Variants in DOK5 observed in about 807,000 individuals in gnomAD.
DOK5 encodes downstream of tyrosine kinase 5.
A neutral mutation model predicts 43.3 loss-of-function variants in DOK5; 27 were observed. The observed-to-expected ratio is 0.62, with a 90% CI of 0.46 to 0.86. The LOEUF (loss-of-function observed/expected upper bound fraction) is 0.86. Ranked by LOEUF, DOK5 falls within the 40% of genes least tolerant of loss-of-function variation. The probability of loss-of-function intolerance (pLI) is 0.00; values close to 1 mark genes in which losing one functional copy is unlikely to be tolerated. For missense variants in DOK5, 373 were observed against 392.9 expected, an observed-to-expected ratio of 0.95 and a Z score of 0.43; for synonymous variants, 146 against 140.1, an observed-to-expected ratio of 1.04 and a Z score of -0.30.
chr20:54,572,514 G>A (rs749940657), intron 2 of DOK5, among the ~76,000 whole-genome samples: 3 of 151,616 alleles, frequency 2.0e-5, no homozygotes, highest in Non-Finnish European at 4.4e-5. Context: ...CAGTTAGATT[G>A]GAAAAAAAAT....
intron 1 of DOK5, among the ~76,000 whole-genome samples, chr20:54,544,851 C>T (rs1984285114): frequency 6.6e-6 from 1 of 152,070 alleles, no homozygotes; most frequent in African/African-American, 2.4e-5. Context: ...ACTCAAAAGG[C>T]CAATCTTAGG....
chr20:54,524,731 G>C (rs938315455), intron 1 of DOK5, among the ~76,000 whole-genome samples: 14 of 152,194 alleles, frequency 9.2e-5, no homozygotes, highest in South Asian at 6.2e-4. Flanking sequence ...AGCATTTCTT[G>C]AAGTTTTAAT....
intron 1 of DOK5, among the ~76,000 whole-genome samples, chr20:54,524,026 C>T (rs1983500383): frequency 6.6e-6 from 1 of 152,244 alleles, no homozygotes; most frequent in African/African-American, 2.4e-5. Flanking sequence ...TGGGACTAAA[C>T]GTTTGTTAAA....
intron 6 of DOK5, among the ~76,000 whole-genome samples, chr20:54,616,148 G>T (rs1385548343): frequency 1.3e-5 from 2 of 152,174 alleles, no homozygotes; most frequent in Non-Finnish European, 2.9e-5. Flanking sequence ...CAGACAATGT[G>T]TTAAGGACAT....
chr20:54,522,258 A>G (rs548861604), intron 1 of DOK5, among the ~76,000 whole-genome samples: 4 of 152,188 alleles, frequency 2.6e-5, no homozygotes. Context: ...AAGAAAGTTT[A>G]CGAATTTGTG....
intron 1 of DOK5, among the ~76,000 whole-genome samples, chr20:54,519,793 A>T (rs1983329607): frequency 1.3e-5 from 2 of 151,890 alleles, no homozygotes; most frequent in African/African-American, 2.4e-5. Context: ...ATGCTATGAG[A>T]TACCCAATTT....
intron 5 of DOK5, among the ~76,000 whole-genome samples, chr20:54,606,899 A>G (rs1986487662): frequency 6.6e-6 from 1 of 152,188 alleles, no homozygotes; most frequent in Non-Finnish European, 1.5e-5. Context: ...TTTCTGTTCT[A>G]TTTAGAGCTC....
At chr20:54,524,610 A>T (rs531802513) in intron 1 of DOK5, among the ~76,000 whole-genome samples, 1 of 152,326 alleles carries the variant, frequency 6.6e-6, no homozygotes, top group South Asian at 2.1e-4. Context: ...AATAGGAAAA[A>T]CTGAGACCAA....
intron 7 of DOK5, 127 bp from the exon 8 acceptor site, chr20:54,650,288 G>A (rs1979637969): frequency 6.6e-6 from 5 of 752,854 alleles, no homozygotes; most frequent in Non-Finnish European, 4.4e-6. Flanking sequence ...ATCCTGAGAG[G>A]CCTTTGGAAA....
intron 6 of DOK5, among the ~76,000 whole-genome samples, chr20:54,631,723 C>T (rs1275685124): frequency 6.6e-6 from 1 of 152,066 alleles, no homozygotes; most frequent in Non-Finnish European, 1.5e-5. Context: ...CCTGTAATCC[C>T]AGCACTTTGG....
At chr20:54,586,132 C>T (rs981143590) in intron 2 of DOK5, among the ~76,000 whole-genome samples, 1 of 152,010 alleles carries the variant, frequency 6.6e-6, no homozygotes, top group Non-Finnish European at 1.5e-5. Flanking sequence ...AAACTAGGCA[C>T]GTTATGTGGC....
At chr20:54,519,340 C>G (rs1191656457) in intron 1 of DOK5, among the ~76,000 whole-genome samples, 2 of 152,110 alleles carry the variant, frequency 1.3e-5, no homozygotes, top group Non-Finnish European at 2.9e-5. Context: ...ATAGTAAATG[C>G]TAAATAACTA....
chr20:54,480,607 T>A (rs1329530694), intron 1 of DOK5, among the ~76,000 whole-genome samples: 1 of 152,210 alleles, frequency 6.6e-6, no homozygotes, highest in African/African-American at 2.4e-5. Flanking sequence ...CCTAATAAAC[T>A]TGCTTTCACT....
intron 6 of DOK5, among the ~76,000 whole-genome samples, chr20:54,616,321 A>C (rs1035402956): frequency 6.6e-6 from 1 of 152,190 alleles, no homozygotes. Context: ...TTTATCCTAC[A>C]TGAGATTAAC....
chr20:54,609,460 TATA>T, intron 5 of DOK5, among the ~76,000 whole-genome samples: 1 of 152,092 alleles, frequency 6.6e-6, no homozygotes, highest in East Asian at 1.9e-4. Flanking sequence ...TAAAAATATT[TATA>T]ATAATTAAAT....
chr20:54,540,153 T>C (rs535723881), intron 1 of DOK5, among the ~76,000 whole-genome samples: 1 of 152,210 alleles, frequency 6.6e-6, no homozygotes, highest in East Asian at 1.9e-4. Context: ...TGCTTTTTTT[T>C]TTCAACTCTA....
intron 1 of DOK5, among the ~76,000 whole-genome samples, chr20:54,531,233 T>C (rs1003082645): frequency 6.6e-6 from 1 of 152,224 alleles, no homozygotes; most frequent in Non-Finnish European, 1.5e-5. Flanking sequence ...TATGTGGTAT[T>C]GGAAAAGCCT....
At chr20:54,592,713 T>C (rs1171213372) in intron 5 of DOK5, among the ~76,000 whole-genome samples, 1 of 151,984 alleles carries the variant, frequency 6.6e-6, no homozygotes, top group Admixed American at 6.6e-5. Flanking sequence ...GCTAATTTTT[T>C]TGTATTTTCA....
chr20:54,566,200 G>C (rs1006473453), intron 2 of DOK5, among the ~76,000 whole-genome samples: 1 of 146,888 alleles, frequency 6.8e-6, no homozygotes, highest in African/African-American at 2.5e-5. Flanking sequence ...CCTTCTTCAC[G>C]CAACATAACT....
Sources: allele counts gnomAD v4.1 joint callset (sites outside exome capture counted in the v4.1 genomes callset), GRCh38; gene constraint gnomAD v4.1.1; transcripts MANE v1.5; gene names NCBI Gene and HGNC (gene_info 2026-07-23, HGNC 2026-07-21).